RBP2: variants seen among roughly 807,000 people sequenced by gnomAD.
The protein encoded by RBP2 is retinol-binding protein 2.
RBP2 carries 17 observed loss-of-function variants against 17.0 expected under a neutral mutation model. The observed-to-expected ratio is 1.00, with a 90% CI of 0.68 to 1.50. The LOEUF is 1.50. RBP2 is among the 40% of genes most tolerant of loss of function. The pLI is 0.00. For synonymous variants in RBP2, 48 were observed against 57.1 expected (o/e 0.84, Z 0.72); for missense variants, 158 against 168.2 (o/e 0.94, Z 0.33).
intron 2 of RBP2, among the ~76,000 whole-genome samples, chr3:139,461,176 C>T (rs887324012): frequency 1.3e-5 from 2 of 152,264 alleles, no homozygotes; most frequent in East Asian, 1.9e-4. Flanking sequence ...GGATACCACA[C>T]GGTGATGCTG....
intron 1 of RBP2, among the ~76,000 whole-genome samples, chr3:139,467,488 G>A (rs940091257): frequency 1.3e-5 from 2 of 152,280 alleles, no homozygotes; most frequent in South Asian, 2.1e-4. Context: ...AGGGTAAGGG[G>A]CAGATGCAGG....
In RBP2 at chr3:139,462,264, C is replaced by A. The variant is rs778635409; in HGVS notation, c.100G>T (p.Ala34Ser). ...ACCTTCGTCTGAGTGAGACGTACTG[C>A]AATCTTGCGGGTGGCAAAATCAATA... ...LDIDFATRKI[A>S]VRLTQTKVID... The change falls in exon 2 of 4, where the codon GCA (alanine) becomes TCA (serine). Residue 34 changes from alanine (A) to serine (S), a missense_variant. Physicochemically the swap from Ala to Ser is moderately conservative, Grantham distance 99 (BLOSUM62 1). Transcript: ENST00000232217. 3 of 1,614,132 alleles carry A rather than the reference C, an allele frequency of 1.9e-6. No individual in the cohort carries two copies. The South Asian group carries it at 3.3e-5, about 18-fold the overall frequency.
chr3:139,453,159 G>A lies in RBP2; in HGVS notation c.362C>T (p.Thr121Ile). The change falls in exon 4 of 4, where the codon ACC (threonine) becomes ATC (isoleucine). Residue 121 changes from threonine to isoleucine, a missense_variant. Transcript: ENST00000232217. ...TTGACGGCACACCTGGTCACCACAG[G>A]TCAGCTCCTGCAACGTCAGAAAGTG... is the stretch of plus-strand genomic sequence containing the variant. ...IEGDKLYLEL[T>I]CGDQVCRQVF... The A allele has an allele frequency of 6.2e-7, 1 of 1,614,132 alleles. No homozygotes were observed. The highest frequency in any genetic ancestry group is 2.2e-5 in the East Asian group (1 of 44,872).
At chr3:139,454,906 T>G in intron 2 of RBP2, 76 bp from the exon 3 acceptor site, 40 of 1,311,994 alleles carry the variant, frequency 3.0e-5, no homozygotes, top group Non-Finnish European at 3.9e-5. Flanking sequence ...GCAGCTGCAA[T>G]TCCTGCAGCC....
chr3:139,474,680 G>T (rs1056176135), intron 1 of RBP2, among the ~76,000 whole-genome samples: 11 of 152,260 alleles, frequency 7.2e-5, no homozygotes, highest in Middle Eastern at 3.4e-3. Flanking sequence ...TGGCAGATGA[G>T]GAAACCGAGG....
intron 3 of RBP2, among the ~76,000 whole-genome samples, chr3:139,454,025 TC>T (rs149928233): frequency 0.028 from 4,242 of 152,194 alleles, 211 homozygotes; most frequent in African/African-American, 0.096. Context: ...CCTGCCTCAT[TC>T]CAAAGGTGAG....
intron 1 of RBP2, among the ~76,000 whole-genome samples, chr3:139,465,909 A>C (rs1933343585): frequency 6.6e-6 from 1 of 152,112 alleles, no homozygotes; most frequent in South Asian, 2.1e-4. Flanking sequence ...CCTGTGAGGC[A>C]TGGGGTGTGG....
Position 139,468,202 on chromosome 3 carries a change from G to C in RBP2, c.74-5912C>G, listed in dbSNP as rs1933428123. Reference sequence around the variant, plus strand: ...TTTCCACTCAATGGATGTGGAAACTGAGGCCGTGAGAATTTAAGTGGTGAG... The same window carrying C: ...TTTCCACTCAATGGATGTGGAAACTCAGGCCGTGAGAATTTAAGTGGTGAG... On this transcript the variant is annotated intron_variant, in intron 1 of 3. Transcript: ENST00000232217. Among the ~76,000 whole-genome samples the C allele has an allele frequency of 2.0e-5, 3 of 152,186 alleles. No individual in the cohort carries two copies. The South Asian group carries it at 6.2e-4, about 31-fold the overall frequency.
Position 139,454,696 on chromosome 3 carries a change from A to G in RBP2, c.354+33T>C, listed in dbSNP as rs2233818. ...GACCACAGTAGCGTGTGTAAGCACAATGGAAGTGAGCTGAGCAGAACCCAG... is the reference window on the plus strand; with the variant it reads ...GACCACAGTAGCGTGTGTAAGCACAGTGGAAGTGAGCTGAGCAGAACCCAG... On this transcript the variant is annotated intron_variant, in intron 3 of 3. Coordinates refer to ENST00000232217, the MANE Select transcript of RBP2 (RefSeq NM_004164.3). 3.0e-3 allele frequency: 4,739 copies of G among 1,600,616 alleles called. 137 individuals carry two copies. The African/African-American group carries it at 0.056, about 19-fold the overall frequency.
At chr3:139,456,167 A>G (rs965592869) in intron 2 of RBP2, among the ~76,000 whole-genome samples, 2 of 152,116 alleles carry the variant, frequency 1.3e-5, no homozygotes, top group Non-Finnish European at 2.9e-5. Flanking sequence ...TGCAAACTAC[A>G]TTATGCCTCT....
chr3:139,474,661 AT>A (rs1261595378), intron 1 of RBP2, among the ~76,000 whole-genome samples: 1 of 152,172 alleles, frequency 6.6e-6, no homozygotes, highest in Non-Finnish European at 1.5e-5. Context: ...TGGGGCTATT[AT>A]CTCTATTTGG....
chr3:139,473,450 T>G (rs1057206332), intron 1 of RBP2, among the ~76,000 whole-genome samples: 2 of 152,146 alleles, frequency 1.3e-5, no homozygotes, highest in Non-Finnish European at 2.9e-5. Context: ...AAGCAAACTC[T>G]CTAGTGCTAG....
intron 1 of RBP2, among the ~76,000 whole-genome samples, chr3:139,462,598 C>CACACACACACGT (rs1553721838): frequency 1.3e-5 from 2 of 150,448 alleles, no homozygotes; most frequent in African/African-American, 4.9e-5. Context: ...CACACACACA[C>CACACACACACGT]GTCACAGCAG....
In RBP2 at chr3:139,452,910, T is replaced by G; in HGVS notation, c.*206A>C. The G allele has an allele frequency of 1.7e-6, 1 of 576,108 alleles. No individual in the cohort carries two copies. 35.7% of individuals were successfully genotyped at this position (576,108 alleles called of 1,614,324 possible). The stretch of plus-strand genomic sequence containing the variant: ...AAAGGGTTTCAAAATATGGGAGTAA[T>G]TTTTGTTTTTCCATTTAATGCTAGG... On this transcript the variant is annotated 3_prime_UTR_variant, in exon 4 of 4. Transcript: ENST00000232217.
At chr3:139,472,427 A>C (rs540448108) in intron 1 of RBP2, among the ~76,000 whole-genome samples, 2 of 152,166 alleles carry the variant, frequency 1.3e-5, no homozygotes, top group South Asian at 4.1e-4. Context: ...GTACCACTTC[A>C]ACCAATAGAA....
chr3:139,469,687 G>GTCTGTCTATCTATCTA lies in RBP2; in HGVS notation c.73+6699_73+6700insTAGATAGATAGACAGA, dbSNP rs1432677359. On this transcript the variant is annotated intron_variant, in intron 1 of 3. Coordinates refer to ENST00000232217, the MANE Select transcript of RBP2 (RefSeq NM_004164.3). The stretch of plus-strand genomic sequence containing the variant: ...TATCTGTCTGTCTGTCTGTCTGTCT[G>GTCTGTCTATCTATCTA]TCTATCTATCTATCTATCTATCTAT... Among the ~76,000 whole-genome samples, 777 of 132,938 alleles carry GTCTGTCTATCTATCTA rather than the reference G, an allele frequency of 5.8e-3. 3 individuals are homozygous for GTCTGTCTATCTATCTA. The highest frequency in any genetic ancestry group is 6.9e-3 in the Non-Finnish European group (431 of 62,848). 87.2% of individuals were successfully genotyped at this position (132,938 alleles called of 152,430 possible). A position where few individuals can be genotyped will look rare whatever the true frequency, so the allele number is the denominator to read the frequency against.
chr3:139,466,005 C>T (rs1933347621), intron 1 of RBP2, among the ~76,000 whole-genome samples: 1 of 152,130 alleles, frequency 6.6e-6, no homozygotes. Context: ...CCCCACTTCC[C>T]CACTGTATTT....
intron 1 of RBP2, among the ~76,000 whole-genome samples, chr3:139,465,628 T>C (rs954711754): frequency 3.3e-5 from 5 of 152,130 alleles, no homozygotes; most frequent in African/African-American, 1.2e-4. Flanking sequence ...CTGCCCAAGA[T>C]ACTAGTAACT....
intron 2 of RBP2, among the ~76,000 whole-genome samples, chr3:139,459,028 C>T (rs1933087768): frequency 6.6e-6 from 1 of 152,120 alleles, no homozygotes; most frequent in South Asian, 2.1e-4. Context: ...ATTGCTTCTG[C>T]TCTGGGCTGG....
Sources: allele counts gnomAD v4.1 joint callset (sites outside exome capture counted in the v4.1 genomes callset), GRCh38; gene constraint gnomAD v4.1.1; transcripts MANE v1.5; gene names NCBI Gene and HGNC (gene_info 2026-07-23, HGNC 2026-07-21).